The following DAB1 variants were observed in gnomAD, a reference collection of about 807,000 sequenced individuals.
The protein encoded by DAB1 is DAB adaptor protein 1, also known as disabled homolog 1.
DAB1 carries 15 observed loss-of-function variants against 64.6 expected under a neutral mutation model. The observed-to-expected ratio is 0.23, with a 90% CI of 0.16 to 0.36. The LOEUF is 0.36. Ranked by LOEUF, DAB1 falls within the 10% of genes least tolerant of loss-of-function variation. The pLI, the probability that DAB1 is intolerant of heterozygous loss-of-function variation, is 1.00. For missense variants in DAB1, 596 were observed against 706.7 expected (o/e 0.84, Z 1.78); for synonymous variants, 235 against 251.9 (o/e 0.93, Z 0.64).
chr1:57,298,634 C>T lies in DAB1; in HGVS notation c.-136-7468G>A, dbSNP rs1144630. On this transcript the variant is annotated intron_variant, in intron 1 of 14. Coordinates refer to ENST00000371236, the MANE Select transcript of DAB1 (RefSeq NM_001365792.1). Reference sequence around the variant, plus strand: ...GGCATTGTTAGTTGTATTTACCCCACGTTATGAAAAAAAAACAGAATTTTA... The same window carrying T: ...GGCATTGTTAGTTGTATTTACCCCATGTTATGAAAAAAAAACAGAATTTTA... Among the ~76,000 whole-genome samples the T allele has an allele frequency of 6.6e-5, 10 of 151,706 alleles. No homozygotes were observed. The East Asian group carries it at 1.6e-3, about 24-fold the overall frequency.
At chr1:57,718,521 T>C (rs529337522) in intron 6 of DAB1, among the ~76,000 whole-genome samples, 1 of 152,308 alleles carries the variant, frequency 6.6e-6, no homozygotes, top group African/African-American at 2.4e-5. Flanking sequence ...AAAGCAATTC[T>C]GAAGAAACTG....
chr1:57,043,116 C>T (rs771423177), intron 9 of DAB1, among the ~76,000 whole-genome samples: 3 of 152,154 alleles, frequency 2.0e-5, no homozygotes, highest in Non-Finnish European at 4.4e-5. Context: ...CCAGTGAGAC[C>T]CATCAGTGGT....
intron 4 of DAB1, among the ~76,000 whole-genome samples, chr1:57,109,968 C>T (rs1029830665): frequency 6.6e-6 from 1 of 152,140 alleles, no homozygotes; most frequent in Non-Finnish European, 1.5e-5. Context: ...CACTTTCCTC[C>T]CTTGACAGGC....
chr1:57,135,933 A>G (rs1658042732), intron 4 of DAB1, among the ~76,000 whole-genome samples: 1 of 152,160 alleles, frequency 6.6e-6, no homozygotes, highest in Non-Finnish European at 1.5e-5. Context: ...TCTTACCCCA[A>G]ATGAACAGGA....
chr1:57,335,912 A>C (rs1408656936), intron 1 of DAB1, among the ~76,000 whole-genome samples: 1 of 152,224 alleles, frequency 6.6e-6, no homozygotes, highest in Admixed American at 6.5e-5. Context: ...ATATGGAACC[A>C]CAGATGTTGC....
intron 5 of DAB1, among the ~76,000 whole-genome samples, chr1:57,889,329 T>A (rs553819442): frequency 2.0e-4 from 30 of 152,366 alleles, no homozygotes; most frequent in African/African-American, 7.0e-4. Context: ...TATATATGCA[T>A]AAATATCCAG....
At chr1:58,095,885 T>C (rs1203581575) in intron 5 of DAB1, among the ~76,000 whole-genome samples, 1 of 152,214 alleles carries the variant, frequency 6.6e-6, no homozygotes, top group Admixed American at 6.5e-5. Flanking sequence ...AGAAATTATG[T>C]GGCCAGTGGA....
intron 7 of DAB1, among the ~76,000 whole-genome samples, chr1:57,528,979 T>C (rs978888454): frequency 1.3e-5 from 2 of 152,092 alleles, no homozygotes; most frequent in African/African-American, 4.8e-5. Context: ...AAATACTTTC[T>C]TAAAGGACTA....
At chr1:58,454,682 CTTGA>C (rs1329596386) in intron 3 of DAB1, among the ~76,000 whole-genome samples, 2 of 152,144 alleles carry the variant, frequency 1.3e-5, no homozygotes, top group African/African-American at 4.8e-5. Context: ...TCACCCAGGG[CTTGA>C]TTGAGAGGCG....
intron 5 of DAB1, among the ~76,000 whole-genome samples, chr1:57,915,764 G>A (rs1212547634): frequency 2.6e-5 from 4 of 152,124 alleles, no homozygotes; most frequent in Non-Finnish European, 4.4e-5. Flanking sequence ...CCATCAGCTC[G>A]GAGCCCCTTC....
chr1:58,110,880 A>G (rs1651929922), intron 5 of DAB1, among the ~76,000 whole-genome samples: 1 of 152,152 alleles, frequency 6.6e-6, no homozygotes, highest in African/African-American at 2.4e-5. Context: ...ACATATTTCA[A>G]TAGTACCTCA....
intron 7 of DAB1, among the ~76,000 whole-genome samples, chr1:57,619,810 A>C (rs1162645342): frequency 2.0e-5 from 3 of 152,122 alleles, no homozygotes; most frequent in Non-Finnish European, 2.9e-5. Context: ...GCCAAGCTTC[A>C]TCCTGGGAAA....
intron 7 of DAB1, among the ~76,000 whole-genome samples, chr1:57,642,878 A>G (rs1646146970): frequency 6.6e-6 from 1 of 152,162 alleles, no homozygotes; most frequent in Admixed American, 6.5e-5. Context: ...TTTCTCCATG[A>G]GTTCTTTGGC....
chr1:57,386,027 T>C (rs1681785963), intron 1 of DAB1, among the ~76,000 whole-genome samples: 1 of 152,100 alleles, frequency 6.6e-6, no homozygotes, highest in South Asian at 2.1e-4. Context: ...TGTGCAGCTT[T>C]GGGTGAGTGA....
intron 2 of DAB1, among the ~76,000 whole-genome samples, chr1:57,154,871 T>C (rs1660059733): frequency 1.3e-5 from 2 of 152,230 alleles, no homozygotes; most frequent in African/African-American, 4.8e-5. Flanking sequence ...CAAATCTTTG[T>C]CCAATTTTTG....
At chr1:58,314,909 T>G (rs1662517007) in intron 4 of DAB1, among the ~76,000 whole-genome samples, 1 of 152,232 alleles carries the variant, frequency 6.6e-6, no homozygotes, top group South Asian at 2.1e-4. Flanking sequence ...GCTATTTTTC[T>G]AATTTTATGG....
intron 5 of DAB1, among the ~76,000 whole-genome samples, chr1:58,142,353 A>T (rs1039271229): frequency 6.6e-6 from 1 of 152,212 alleles, no homozygotes; most frequent in Non-Finnish European, 1.5e-5. Flanking sequence ...TATGATTTTT[A>T]AAAAGAGGGT....
At chr1:58,514,817 A>C (rs17117627) in intron 2 of DAB1, among the ~76,000 whole-genome samples, 17,686 of 152,138 alleles carry the variant, frequency 0.12, 1,224 homozygotes, top group African/African-American at 0.18. Context: ...AGGCAAATAT[A>C]AGATGGAAAG....
In DAB1 at chr1:57,217,843, AC is replaced by A. The variant is rs371336785; in HGVS notation, c.68-72415del. On this transcript the variant is annotated intron_variant, in intron 2 of 14. Transcript: ENST00000371236. ...TCACACCTACCAATCCCCCCACCCCACCCCACTATCCAGCTACACCTCCCTA... is the reference window on the plus strand; with the variant it reads ...TCACACCTACCAATCCCCCCACCCCACCCACTATCCAGCTACACCTCCCTA... Among the ~76,000 whole-genome samples, 146 of 151,444 alleles carry A rather than the reference AC, an allele frequency of 9.6e-4. 1 individual carries two copies. The highest frequency in any genetic ancestry group is 3.3e-3 in the African/African-American group (138 of 41,238).
Sources: allele counts gnomAD v4.1 joint callset (sites outside exome capture counted in the v4.1 genomes callset), GRCh38; gene constraint gnomAD v4.1.1; transcripts MANE v1.5; gene names NCBI Gene and HGNC (gene_info 2026-07-23, HGNC 2026-07-21).